ZGLP1: variants seen among roughly 807,000 people sequenced by gnomAD.
ZGLP1 encodes GATA-type zinc finger protein 1.
In ZGLP1, 11 loss-of-function variants were observed where a neutral mutation model predicts 21.4. The ratio of observed to expected loss-of-function variants is 0.51; its 90% CI spans 0.32 to 0.85. The LOEUF (loss-of-function observed/expected upper bound fraction) is 0.85, where lower values mean the gene tolerates loss of function less well. Ranked by LOEUF, ZGLP1 falls within the 40% of genes least tolerant of loss-of-function variation. The pLI is 0.03. For missense variants in ZGLP1, 295 were observed against 355.6 expected, an observed-to-expected ratio of 0.83 and a Z score of 1.37; for synonymous variants, 148 against 145.0, an observed-to-expected ratio of 1.02 and a Z score of -0.15.
chr19:10,308,925 C>G (rs557491698), exon 1 of ZGLP1: 1 of 343,458 alleles, frequency 2.9e-6, no homozygotes, highest in Non-Finnish European at 5.3e-6. Context: ...TCTGTACCCC[C>G]GCCTGGAGTG....
chr19:10,305,019 G>C lies in ZGLP1; in HGVS notation c.*72C>G. 1 of 1,189,836 alleles carries C rather than the reference G, an allele frequency of 8.4e-7. No homozygotes were observed. The highest frequency in any genetic ancestry group is 1.2e-6 in the Non-Finnish European group (1 of 802,814). 73.7% of individuals were successfully genotyped at this position (1,189,836 alleles called of 1,614,324 possible). On this transcript the variant is annotated 3_prime_UTR_variant, in exon 4 of 4. Transcript: ENST00000403903. The surrounding 1 kb of genome is among the most constrained non-coding windows in gnomAD (Gnocchi z 4.7). ...GGCTCTTTCCCCAATCCTCCTAGGA[G>C]AGCTGCTTCTGCCCATTCTCCCACT...
At chr19:10,307,109 G>A (rs2040283630) in intron 1 of ZGLP1, among the ~76,000 whole-genome samples, 1 of 148,516 alleles carries the variant, frequency 6.7e-6, no homozygotes, top group African/African-American at 2.5e-5. Context: ...ACTCCAGCCT[G>A]AACGACAGAG....
In ZGLP1 at chr19:10,305,510, G is replaced by A; in HGVS notation, c.605-27C>T. ...TGAAGGGTCAGAGGTCAAAGGGCAG[G>A]GGTCAGAGGCCAAGCATGTGAGCTC... On this transcript the variant is annotated intron_variant, in intron 2 of 3. Transcript: ENST00000403903. The surrounding 1 kb of genome is among the most constrained non-coding windows in gnomAD (Gnocchi z 4.7). The A allele has an allele frequency of 6.4e-7, 1 of 1,569,982 alleles. No individual in the cohort carries two copies.
chr19:10,308,715 G>A (rs2040294766), exon 1 of ZGLP1: 2 of 1,459,420 alleles, frequency 1.4e-6, no homozygotes, highest in Non-Finnish European at 1.8e-6. Context: ...AAGAGTTGCA[G>A]TAATTGCAAC....
In ZGLP1 at chr19:10,305,055, A is replaced by G. The variant is rs1372090908; in HGVS notation, c.*36T>C. On this transcript the variant is annotated 3_prime_UTR_variant, in exon 4 of 4. Coordinates refer to ENST00000403903, the Ensembl canonical transcript of ZGLP1. The surrounding 1 kb of genome is among the most constrained non-coding windows in gnomAD (Gnocchi z 4.7). ...GCCCATTCTCCCACTGGTGAAACGG[A>G]GGCAGAAGCAGCAGCTCAGCAGGGT... 6.6e-7 allele frequency: 1 copy of G among 1,507,864 alleles called. No individual in the cohort carries two copies. Among genetic ancestry groups the G allele is most frequent in the East Asian group, 2.3e-5 (1 of 44,374 alleles). The allele number at this position is 1,507,864 out of a possible 1,614,324, so 93.4% of individuals were successfully genotyped here.
At chr19:10,308,688 C>T in exon 1 of ZGLP1, 1 of 1,489,768 alleles carries the variant, frequency 6.7e-7, no homozygotes, top group South Asian at 1.4e-5. Flanking sequence ...TCATTTCTAA[C>T]TCTGGGTGGA....
rs778055477 is a variant in ZGLP1, at chr19:10,305,450, C to T, written c.638G>A (p.Arg213Lys). ...TTCAGCGTCTCTCCAGAGCGGGGTC[C>T]TCTGGGTCCGACAGGAAGCACAGCG... Residue 213 changes from arginine (R) to lysine (K), a missense_variant, in exon 3 of 4, where the codon AGG becomes AAG. Physicochemically the swap from Arg to Lys is conservative, Grantham distance 26. Transcript: ENST00000403903. The surrounding 1 kb of genome is among the most constrained non-coding windows in gnomAD (Gnocchi z 4.7). 1.9e-6 allele frequency: 3 copies of T among 1,600,296 alleles called. No individual in the cohort carries two copies. The highest frequency in any genetic ancestry group is 1.7e-5 in the Admixed American group (1 of 57,368).
exon 1 of ZGLP1, chr19:10,308,575 C>T (rs749926617): frequency 3.1e-6 from 5 of 1,590,676 alleles, no homozygotes; most frequent in Non-Finnish European, 3.4e-6. Flanking sequence ...AGTGGGGTCA[C>T]GTTTTCTTGG....
chr19:10,305,294 AG>A lies in ZGLP1; in HGVS notation c.699-87del. On this transcript the variant is annotated intron_variant, in intron 3 of 3. Coordinates refer to ENST00000403903, the Ensembl canonical transcript of ZGLP1. This position sits in a 1 kb window ranked among gnomAD's most constrained non-coding sequence, Gnocchi z 4.7. ...AAGGAAACCACTTTTCCCAAGAGGTAGGTGTTTTGCTTTTTGCTTTCCCCAC... is the reference window on the plus strand; with the variant it reads ...AAGGAAACCACTTTTCCCAAGAGGTAGTGTTTTGCTTTTTGCTTTCCCCAC... The A allele has an allele frequency of 1.3e-6, 2 of 1,556,108 alleles. No individual in the cohort carries two copies. Among genetic ancestry groups the A allele is most frequent in the South Asian group, 1.1e-5 (1 of 88,332 alleles).
At position 10,305,268 on chromosome 19, in the gene ZGLP1, C is replaced by T; in HGVS notation, c.699-60G>A. On this transcript the variant is annotated intron_variant, in intron 3 of 3. Coordinates refer to ENST00000403903, the Ensembl canonical transcript of ZGLP1. The surrounding 1 kb of genome is among the most constrained non-coding windows in gnomAD (Gnocchi z 4.7). ...TGCAGTGGGGGCCCGGAAACCGCCA[C>T]AAGGAAACCACTTTTCCCAAGAGGT... is the stretch of plus-strand genomic sequence containing the variant. 6.3e-7 allele frequency: 1 copy of T among 1,583,750 alleles called. No homozygotes were observed. The highest frequency in any genetic ancestry group is 8.7e-7 in the Non-Finnish European group (1 of 1,154,544).
In ZGLP1 at chr19:10,306,101, ATATTAT is replaced by A. The variant is rs3073811; in HGVS notation, c.498-155_498-150del. The stretch of plus-strand genomic sequence containing the variant: ...GGCCTGGCTTTGCCTCTCATTAGTA[ATATTAT>A]TATTATTATTATTATTATTTTTGCA... On this transcript the variant is annotated intron_variant, in intron 1 of 3. Transcript: ENST00000403903. 7.5e-5 allele frequency: 27 copies of A among 360,168 alleles called. 1 individual carries two copies. The highest frequency in any genetic ancestry group is 4.7e-4 in the African/African-American group (22 of 46,894). The allele number at this position is 360,168 out of a possible 1,614,324, so 22.3% of individuals were successfully genotyped here. A position where few individuals can be genotyped will look rare whatever the true frequency, so the allele number is the denominator to read the frequency against.
At position 10,305,946 on chromosome 19, in the gene ZGLP1, G is replaced by A. The variant is rs1485165500; in HGVS notation, c.504C>T (p.Pro168=). ...GGGATTCCTGAGAACGGCTACTGCA[G>A]GGCAGGCTGTGGGGCAGACAAGGTA... Residue 168 remains proline (P), a synonymous_variant, in exon 2 of 4, where the codon CCC becomes CCT. Coordinates refer to ENST00000403903, the Ensembl canonical transcript of ZGLP1. This position sits in a 1 kb window ranked among gnomAD's most constrained non-coding sequence, Gnocchi z 4.7. The A allele has an allele frequency of 1.9e-6, 3 of 1,557,740 alleles. No homozygotes were observed. The highest frequency in any genetic ancestry group is 2.6e-6 in the Non-Finnish European group (3 of 1,149,662).
At position 10,305,777 on chromosome 19, in the gene ZGLP1, G is replaced by A; in HGVS notation, c.604+69C>T. 1.6e-6 allele frequency: 2 copies of A among 1,262,846 alleles called. No homozygotes were observed. The highest frequency in any genetic ancestry group is 2.3e-6 in the Non-Finnish European group (2 of 884,124). The allele number at this position is 1,262,846 out of a possible 1,614,324, so 78.2% of individuals were successfully genotyped here. On this transcript the variant is annotated intron_variant, in intron 2 of 3. Transcript: ENST00000403903. This position sits in a 1 kb window ranked among gnomAD's most constrained non-coding sequence, Gnocchi z 4.7. ...AGCAAGATGGAGAAGGGGGGGGCAGGGAGAAAGGCAGGGAAGACAGGAAAT... is the reference window on the plus strand; with the variant it reads ...AGCAAGATGGAGAAGGGGGGGGCAGAGAGAAAGGCAGGGAAGACAGGAAAT...
exon 1 of ZGLP1, chr19:10,309,510 TA>T (rs1392148533): frequency 6.6e-6 from 1 of 152,606 alleles, no homozygotes; most frequent in Non-Finnish European, 1.5e-5. Context: ...GCCCCCTCCC[TA>T]ATTTCACCCG....
rs1407698406 is a variant in ZGLP1, at chr19:10,305,961, C to A, written c.498-9G>T. 23 of 1,549,554 alleles carry A rather than the reference C, an allele frequency of 1.5e-5. No homozygotes were observed. The highest frequency in any genetic ancestry group is 1.7e-5 in the Non-Finnish European group (19 of 1,144,284). The stretch of plus-strand genomic sequence containing the variant: ...GGCTACTGCAGGGCAGGCTGTGGGG[C>A]AGACAAGGTATTAGCACTGGGGGGG... On this transcript the variant is annotated splice_polypyrimidine_tract_variant and intron_variant, in intron 1 of 3. Transcript: ENST00000403903. The surrounding 1 kb of genome is among the most constrained non-coding windows in gnomAD (Gnocchi z 4.7).
At chr19:10,308,357 T>C in exon 1 of ZGLP1, 2 of 1,608,082 alleles carry the variant, frequency 1.2e-6, no homozygotes, top group Non-Finnish European at 8.5e-7. Flanking sequence ...CGGCGGCCCT[T>C]TTGGCTGATC....
Position 10,307,133 on chromosome 19 carries a change from C to CA in ZGLP1, c.497+1051dup, listed in dbSNP as rs143187985. 5.7e-3 allele frequency among the ~76,000 whole-genome samples: 562 copies of CA among 98,054 alleles called. 13 individuals carry two copies. The highest frequency in any genetic ancestry group is 0.015 in the South Asian group (49 of 3,318). 64.3% of individuals were successfully genotyped at this position (98,054 alleles called of 152,430 possible). A position where few individuals can be genotyped will look rare whatever the true frequency, so the allele number is the denominator to read the frequency against. On this transcript the variant is annotated intron_variant, in intron 1 of 3. Coordinates refer to ENST00000403903, the Ensembl canonical transcript of ZGLP1. ...TGAACGACAGAGTGCAACTCCATCTCAAAAAAAAAAAAAAATATTGTTTTG... is the reference window on the plus strand; with the variant it reads ...TGAACGACAGAGTGCAACTCCATCTCAAAAAAAAAAAAAAAATATTGTTTTG...
Position 10,305,014 on chromosome 19 carries a change from T to A in ZGLP1, c.*77A>T. ...AGGCCGGCTCTTTCCCCAATCCTCC[T>A]AGGAGAGCTGCTTCTGCCCATTCTC... is the stretch of plus-strand genomic sequence containing the variant. On this transcript the variant is annotated 3_prime_UTR_variant, in exon 4 of 4. Transcript: ENST00000403903. This position sits in a 1 kb window ranked among gnomAD's most constrained non-coding sequence, Gnocchi z 4.7. The A allele has an allele frequency of 8.6e-7, 1 of 1,168,366 alleles. No homozygotes were observed. Among genetic ancestry groups the A allele is most frequent in the Non-Finnish European group, 1.3e-6 (1 of 785,738 alleles). The allele number at this position is 1,168,366 out of a possible 1,614,324, so 72.4% of individuals were successfully genotyped here.
chr19:10,308,817 G>A (rs2040295488), exon 1 of ZGLP1: 2 of 739,976 alleles, frequency 2.7e-6, no homozygotes, highest in East Asian at 6.1e-5. Context: ...GGCAGGGACC[G>A]CCCTAGGTGA....
Sources: gnomAD v4.1 joint callset for allele counts (sites outside exome capture counted in the v4.1 genomes callset) on GRCh38, gnomAD v4.1.1 for gene constraint, Gnocchi (gnomAD v3.1) non-coding constraint, MANE v1.5 for transcripts, NCBI Gene and HGNC (gene_info 2026-07-23, HGNC 2026-07-21) for gene names.